The following SLC35F3 variants were observed in gnomAD, a reference collection of about 807,000 sequenced individuals.
SLC35F3 encodes solute carrier family 35 member F3, also known as putative thiamine transporter SLC35F3.
A neutral mutation model predicts 49.9 loss-of-function variants in SLC35F3; 25 were observed. The ratio of observed to expected loss-of-function variants is 0.50; its 90% CI spans 0.37 to 0.70. The LOEUF (loss-of-function observed/expected upper bound fraction) is 0.70. SLC35F3 is among the 30% of genes least tolerant of loss of function. The pLI is 0.00. For synonymous variants in SLC35F3, 275 were observed against 265.4 expected (o/e 1.04, Z -0.35); for missense variants, 525 against 639.8 (o/e 0.82, Z 1.94).
At chr1:234,151,343 AT>A (rs1666073529) in intron 2 of SLC35F3, among the ~76,000 whole-genome samples, 1 of 152,096 alleles carries the variant, frequency 6.6e-6, no homozygotes, top group Non-Finnish European at 1.5e-5. Context: ...AGAAAAATCA[AT>A]TTCACAGGAA....
intron 2 of SLC35F3, among the ~76,000 whole-genome samples, chr1:234,056,244 C>A (rs949121962): frequency 7.3e-6 from 1 of 137,566 alleles, no homozygotes; most frequent in Non-Finnish European, 1.7e-5. Flanking sequence ...TAAAATCATG[C>A]TCTTATTTTA....
intron 2 of SLC35F3, among the ~76,000 whole-genome samples, chr1:234,158,882 T>C (rs1666188525): frequency 6.6e-6 from 1 of 152,342 alleles, no homozygotes; most frequent in Non-Finnish European, 1.5e-5. Context: ...CCTCCCTTTT[T>C]TGTGCTTTAT....
chr1:234,280,765 G>T (rs1668311493), intron 3 of SLC35F3, among the ~76,000 whole-genome samples: 6 of 152,202 alleles, frequency 3.9e-5, no homozygotes, highest in Admixed American at 3.3e-4. Context: ...TGACAGGTAA[G>T]CATAATGACT....
At chr1:234,016,569 T>G (rs1663805337) in intron 2 of SLC35F3, among the ~76,000 whole-genome samples, 1 of 152,186 alleles carries the variant, frequency 6.6e-6, no homozygotes, top group Admixed American at 6.5e-5. Flanking sequence ...CAATGTGACC[T>G]CATACTTCTG....
At chr1:234,295,298 G>A (rs148935358) in intron 3 of SLC35F3, among the ~76,000 whole-genome samples, 310 of 152,358 alleles carry the variant, frequency 2.0e-3, no homozygotes, top group Admixed American at 5.9e-3. Context: ...CCCATTACAC[G>A]TTCTTGAATA....
intron 2 of SLC35F3, among the ~76,000 whole-genome samples, chr1:234,127,743 ATAAAT>A (rs1665670609): frequency 1.3e-5 from 2 of 152,226 alleles, no homozygotes; most frequent in African/African-American, 4.8e-5. Context: ...TTTGAAGGAA[ATAAAT>A]TAAACACGAG....
rs1662719160 is a variant in SLC35F3, at chr1:233,957,219, A to G, written c.283+51461A>G. Among the ~76,000 whole-genome samples the G allele has an allele frequency of 6.6e-6, 1 of 152,190 alleles. No individual in the cohort carries two copies. The highest frequency in any genetic ancestry group is 1.9e-4 in the East Asian group (1 of 5,192). ...GAGTGGGAGGAGATTGTTTTATGTC[A>G]GATATGAAATTGGATTTTTGAACTG... On this transcript the variant is annotated intron_variant, in intron 2 of 7. Coordinates refer to ENST00000366618, the MANE Select transcript of SLC35F3 (RefSeq NM_173508.4). The surrounding 1 kb of genome is among the most constrained non-coding windows in gnomAD (Gnocchi z 4.0).
At chr1:234,207,111 G>T (rs778073638) in intron 2 of SLC35F3, among the ~76,000 whole-genome samples, 5 of 151,984 alleles carry the variant, frequency 3.3e-5, no homozygotes, top group Non-Finnish European at 7.4e-5. Context: ...TGAGTCATCC[G>T]GAACACAAGC....
chr1:234,125,951 G>A (rs1419876819), intron 2 of SLC35F3, among the ~76,000 whole-genome samples: 2 of 152,132 alleles, frequency 1.3e-5, no homozygotes, highest in Non-Finnish European at 2.9e-5. Context: ...CTGTGCTTCC[G>A]CGCACTAGCT....
chr1:234,077,235 A>C (rs967635210), intron 2 of SLC35F3, among the ~76,000 whole-genome samples: 2 of 150,444 alleles, frequency 1.3e-5, no homozygotes, highest in African/African-American at 4.9e-5. Flanking sequence ...CGATCTCCTG[A>C]CCTCATGATC....
chr1:233,961,526 G>A (rs959782158), intron 2 of SLC35F3, among the ~76,000 whole-genome samples: 4 of 143,358 alleles, frequency 2.8e-5, no homozygotes, highest in South Asian at 4.4e-4. Context: ...GCGTGATCTC[G>A]GCTCACTGCA....
At chr1:234,111,062 CAG>C (rs1162190829) in intron 2 of SLC35F3, among the ~76,000 whole-genome samples, 1 of 151,688 alleles carries the variant, frequency 6.6e-6, no homozygotes, top group Non-Finnish European at 1.5e-5. Flanking sequence ...AAATGGGAAA[CAG>C]AAAAGTTTAA....
chr1:233,964,318 C>T (rs1384680794), intron 2 of SLC35F3, among the ~76,000 whole-genome samples: 1 of 152,180 alleles, frequency 6.6e-6, no homozygotes, highest in Non-Finnish European at 1.5e-5. Flanking sequence ...GTAGAACCTG[C>T]CACCCACAGT....
chr1:233,933,013 C>T (rs1009062712), intron 2 of SLC35F3, among the ~76,000 whole-genome samples: 6 of 136,146 alleles, frequency 4.4e-5, no homozygotes, highest in African/African-American at 1.6e-4. Context: ...TTAAAGAAAA[C>T]CACAGTTTTG....
rs1491421065 is a variant in SLC35F3, at chr1:234,139,952, A to AATAAAATAAAATAAAAT, written c.284-91463_284-91447dup. Among the ~76,000 whole-genome samples the AATAAAATAAAATAAAAT allele has an allele frequency of 2.0e-3, 42 of 21,104 alleles. 1 individual carries two copies. The highest frequency in any genetic ancestry group is 7.9e-3 in the African/African-American group (41 of 5,196). The allele number at this position is 21,104 out of a possible 152,430, so 13.8% of individuals were successfully genotyped here. A position where few individuals can be genotyped will look rare whatever the true frequency, so the allele number is the denominator to read the frequency against. On this transcript the variant is annotated intron_variant, in intron 2 of 7. Transcript: ENST00000366618. ...ACAGAGCGAGACTCCATCTCAAAAT[A>AATAAAATAAAATAAAAT]ATAAAATAAAATAAAATAAAATAAA... is the stretch of plus-strand genomic sequence containing the variant.
chr1:234,062,844 AT>A (rs71170448), intron 2 of SLC35F3, among the ~76,000 whole-genome samples: 19,677 of 132,408 alleles, frequency 0.15, 1,488 homozygotes, highest in Non-Finnish European at 0.2. Context: ...CGCCTGGCTA[AT>A]TTTTTTTTTT....
chr1:234,271,325 A>G (rs966973040), intron 3 of SLC35F3, among the ~76,000 whole-genome samples: 5 of 152,154 alleles, frequency 3.3e-5, no homozygotes, highest in African/African-American at 1.2e-4. Flanking sequence ...TGAAGCATAT[A>G]CAGGGCACCT....
At chr1:234,207,388 A>ATCCTTCCTTCCTCCCCCC (rs1666986235) in intron 2 of SLC35F3, among the ~76,000 whole-genome samples, 9 of 4,214 alleles carry the variant, frequency 2.1e-3, no homozygotes, top group Middle Eastern at 0.12. Flanking sequence ...TTTTCCTTCC[A>ATCCTTCCTTCCTCCCCCC]TCCTTCCTTC....
intron 2 of SLC35F3, among the ~76,000 whole-genome samples, chr1:234,097,543 C>T (rs897126626): frequency 3.9e-5 from 6 of 152,100 alleles, no homozygotes; most frequent in East Asian, 3.9e-4. Context: ...CACACATACA[C>T]GCACACACAC....
Sources: gnomAD v4.1 joint callset for allele counts (sites outside exome capture counted in the v4.1 genomes callset) on GRCh38, gnomAD v4.1.1 for gene constraint, Gnocchi (gnomAD v3.1) non-coding constraint, MANE v1.5 for transcripts, NCBI Gene and HGNC (gene_info 2026-07-23, HGNC 2026-07-21) for gene names.